Variants in PIK3C2G observed in about 807,000 individuals in gnomAD.
PIK3C2G encodes phosphatidylinositol 3-kinase C2 domain-containing subunit gamma.
PIK3C2G carries 168 observed loss-of-function variants against 181.1 expected under a neutral mutation model. The observed-to-expected ratio is 0.93, with a 90% confidence interval of 0.82 to 1.05. The LOEUF (loss-of-function observed/expected upper bound fraction) is 1.05. Ranked by LOEUF, PIK3C2G falls within the 50% of genes least tolerant of loss-of-function variation. PIK3C2G has a pLI of 0.00. For missense variants in PIK3C2G, 1,869 were observed against 1,732.8 expected (o/e 1.08, Z -1.40); for synonymous variants, 573 against 592.2 (o/e 0.97, Z 0.47).
chr12:18,492,867 T>C (rs1432917155), intron 20 of PIK3C2G, among the ~76,000 whole-genome samples: 1 of 152,180 alleles, frequency 6.6e-6, no homozygotes, highest in Non-Finnish European at 1.5e-5. Context: ...GGGACCACAC[T>C]CCTTCCCTAT....
chr12:18,606,603 G>A (rs1054027387), intron 30 of PIK3C2G, among the ~76,000 whole-genome samples: 9 of 151,910 alleles, frequency 5.9e-5, no homozygotes, highest in African/African-American at 2.2e-4. Context: ...CTCATACAAT[G>A]TATAAATTAT....
At position 18,395,885 on chromosome 12, in the gene PIK3C2G, C is replaced by A. The variant is rs557408510; in HGVS notation, c.2127-3774C>A. 1.3e-3 allele frequency among the ~76,000 whole-genome samples: 200 copies of A among 148,468 alleles called. 1 individual carries two copies. Among genetic ancestry groups the A allele is most frequent in the Non-Finnish European group, 2.6e-3 (174 of 66,852 alleles). On this transcript the variant is annotated intron_variant, in intron 15 of 32. Transcript: ENST00000538779. ...TAAATTTTAAGAGTATATTTAAAAACCAAGGAGAAGATAAAAATGAAATAT... is the reference window on the plus strand; with the variant it reads ...TAAATTTTAAGAGTATATTTAAAAAACAAGGAGAAGATAAAAATGAAATAT...
At chr12:18,493,626 G>A (rs1019573534) in intron 20 of PIK3C2G, 4 of 152,260 alleles carry the variant, frequency 2.6e-5, no homozygotes, top group African/African-American at 9.6e-5. Context: ...ATATGATTGT[G>A]TGAGCCATTA....
the PIK3C2G span, among the ~76,000 whole-genome samples, chr12:18,719,804 A>G: frequency 7.9e-5 from 12 of 152,100 alleles, no homozygotes; most frequent in African/African-American, 2.9e-4. Context: ...TTTTGTAGTA[A>G]AACCTTCAGT....
chr12:18,255,875 G>T (rs969953826), intron 1 of PIK3C2G, among the ~76,000 whole-genome samples: 4 of 152,136 alleles, frequency 2.6e-5, no homozygotes, highest in South Asian at 4.1e-4. Context: ...CAAGATTTTT[G>T]ACCTCTTCTG....
chr12:18,354,449 G>T (rs1162325914), intron 11 of PIK3C2G, among the ~76,000 whole-genome samples: 1 of 152,224 alleles, frequency 6.6e-6, no homozygotes, highest in African/African-American at 2.4e-5. Flanking sequence ...CCCTGAGACT[G>T]CCCCTTGCAG....
chr12:18,529,263 G>A (rs1170788163), intron 24 of PIK3C2G, among the ~76,000 whole-genome samples: 1 of 152,108 alleles, frequency 6.6e-6, no homozygotes, highest in Non-Finnish European at 1.5e-5. Flanking sequence ...AAGTGTTAAA[G>A]TATCAGGATC....
chr12:18,636,923 G>A (rs998957656), intron 31 of PIK3C2G, among the ~76,000 whole-genome samples: 7 of 152,314 alleles, frequency 4.6e-5, no homozygotes, highest in African/African-American at 1.7e-4. Flanking sequence ...GGAAACCAAT[G>A]TGAGGGCTCT....
At chr12:18,356,832 G>T (rs901466443) in intron 11 of PIK3C2G, among the ~76,000 whole-genome samples, 2 of 138,938 alleles carry the variant, frequency 1.4e-5, no homozygotes, top group Non-Finnish European at 3.1e-5. Context: ...TTTCTCTGCT[G>T]CCCATCTGTC....
In PIK3C2G at chr12:18,399,796, G is replaced by A. The variant is rs374637655; in HGVS notation, c.2264G>A (p.Arg755Lys). Residue 755 changes from arginine (R) to lysine (K), a missense_variant, in exon 16 of 33, where the codon AGA (arginine) becomes AAA (lysine). By Grantham distance (26) the Arg-to-Lys change is conservative. Coordinates refer to ENST00000538779, the MANE Select transcript of PIK3C2G (RefSeq NM_001288772.2). ...RTVSEMHTIL[R>K]RWTFSQPLEA... ...GTTTCAGAAATGCATACCATTTTGA[G>A]AAGATGGACATTTTCTCAACCTTTA... 2.9e-5 allele frequency: 46 copies of A among 1,605,376 alleles called. No individual in the cohort carries two copies. In the African/African-American group the frequency reaches 5.9e-4, roughly 21 times the overall value.
intron 31 of PIK3C2G, among the ~76,000 whole-genome samples, chr12:18,615,812 T>C (rs1017201590): frequency 1.3e-5 from 2 of 152,076 alleles, no homozygotes; most frequent in African/African-American, 4.8e-5. Context: ...AATTCTCTCC[T>C]GCACAAAACA....
intron 13 of PIK3C2G, among the ~76,000 whole-genome samples, chr12:18,375,520 G>C (rs1942373851): frequency 6.6e-6 from 1 of 152,214 alleles, no homozygotes; most frequent in African/African-American, 2.4e-5. Context: ...AAGGGAAGCA[G>C]AGTGTAAAAG....
At chr12:18,495,983 T>C in intron 20 of PIK3C2G, 79 bp from the exon 21 acceptor site, 1 of 669,050 alleles carries the variant, frequency 1.5e-6, no homozygotes, top group Non-Finnish European at 2.5e-6. Flanking sequence ...GGCTATGATT[T>C]TGGGGAAAAG....
At chr12:18,710,090 T>C in the PIK3C2G span, among the ~76,000 whole-genome samples, 1 of 151,318 alleles carries the variant, frequency 6.6e-6, no homozygotes, top group Admixed American at 6.6e-5. Flanking sequence ...TACAGGATTA[T>C]GTCATCTGCA....
rs1040969380 is a variant in PIK3C2G at position 18,494,177 on chromosome 12, T to C, written c.2794-1885T>C. 4.7e-4 allele frequency among the ~76,000 whole-genome samples: 71 copies of C among 152,298 alleles called. 1 individual carries two copies. The highest frequency in any genetic ancestry group is 1.6e-3 in the African/African-American group (68 of 41,568). On this transcript the variant is annotated intron_variant, in intron 20 of 32. Coordinates refer to ENST00000538779, the MANE Select transcript of PIK3C2G (RefSeq NM_001288772.2). ...AGACTCTGATTAATTCTTCCATCCATGGGCATTCCAATCTACTTTATAACT... is the reference window on the plus strand; with the variant it reads ...AGACTCTGATTAATTCTTCCATCCACGGGCATTCCAATCTACTTTATAACT...
chr12:18,325,062 A>T lies in PIK3C2G; in HGVS notation c.1236A>T (p.Lys412Asn). The T allele has an allele frequency of 6.3e-7, 1 of 1,580,366 alleles. No individual in the cohort carries two copies. Among genetic ancestry groups the T allele is most frequent in the Non-Finnish European group, 8.7e-7 (1 of 1,152,432 alleles). Residue 412 changes from lysine (K) to asparagine (N), a missense_variant, in exon 8 of 33, where the codon AAA becomes AAT. By Grantham distance (94) the Lys-to-Asn change is moderately conservative. Coordinates refer to ENST00000538779, the MANE Select transcript of PIK3C2G (RefSeq NM_001288772.2). ...AATGTCTCTTAACACTCATCAGAAA[A>T]TATGACTTCCACCTGAAATACCTAT... ...SRQCLLTLIR[K>N]YDFHLKYLLK...
rs777255908 is a variant in PIK3C2G, at chr12:18,562,832, G to T, written c.3720G>T (p.Leu1240=). ...SQTFPQESCL[L]STTRSIERAT... ...CTTTTCCTCAGGAATCCTGTTTGCT[G>T]AGTACAACTAGGTCGATTGAAAGAG... Residue 1240 remains leucine, a synonymous_variant, in exon 27 of 33, where the codon CTG becomes CTT. Coordinates refer to ENST00000538779, the MANE Select transcript of PIK3C2G (RefSeq NM_001288772.2). 5.6e-6 allele frequency: 9 copies of T among 1,607,572 alleles called. No homozygotes were observed. The highest frequency in any genetic ancestry group is 1.3e-5 in the African/African-American group (1 of 74,868).
intron 8 of PIK3C2G, among the ~76,000 whole-genome samples, chr12:18,332,514 C>A (rs973993083): frequency 1.8e-4 from 27 of 152,042 alleles, no homozygotes; most frequent in East Asian, 3.9e-4. Flanking sequence ...TCACAGTAAA[C>A]GAGAGTTTAT....
At chr12:18,567,176 T>C (rs368652694) in intron 29 of PIK3C2G, 119 bp downstream of exon 29, 15 of 592,200 alleles carry the variant, frequency 2.5e-5, no homozygotes, top group South Asian at 1.4e-4. Flanking sequence ...GGTGGGATGA[T>C]TGCTTAAAGC....
Sources: allele counts gnomAD v4.1 joint callset (sites outside exome capture counted in the v4.1 genomes callset), GRCh38; gene constraint gnomAD v4.1.1; transcripts MANE v1.5; gene names NCBI Gene and HGNC (gene_info 2026-07-23, HGNC 2026-07-21).